PKNOX2: variants seen among roughly 807,000 people sequenced by gnomAD.
PKNOX2 encodes PBX/knotted 1 homeobox 2.
A neutral mutation model predicts 53.1 loss-of-function variants in PKNOX2; 14 were observed. The observed-to-expected ratio is 0.26, with a 90% confidence interval of 0.17 to 0.41. The LOEUF (loss-of-function observed/expected upper bound fraction) is 0.41, where lower values mean the gene tolerates loss of function less well. Among genes scored for constraint, PKNOX2 ranks in the 10% least tolerant of loss-of-function variants. The pLI, the probability that PKNOX2 is intolerant of heterozygous loss-of-function variation, is 1.00. For synonymous variants in PKNOX2, 257 were observed against 242.8 expected (o/e 1.06, Z -0.54); for missense variants, 496 against 602.8 (o/e 0.82, Z 1.85).
intron 2 of PKNOX2, among the ~76,000 whole-genome samples, chr11:125,278,934 G>A (rs1946362815): frequency 1.3e-5 from 2 of 152,234 alleles, no homozygotes; most frequent in South Asian, 2.1e-4. Flanking sequence ...CTAAGGCTGG[G>A]TGGAGGTGCA....
At chr11:125,175,690 C>T (rs1955662020) in intron 1 of PKNOX2, among the ~76,000 whole-genome samples, 1 of 152,206 alleles carries the variant, frequency 6.6e-6, no homozygotes, top group Non-Finnish European at 1.5e-5. Flanking sequence ...CAGTGTAGAA[C>T]AAGCAACAGG....
At chr11:125,197,306 C>T (rs1417417974) in intron 1 of PKNOX2, among the ~76,000 whole-genome samples, 1 of 152,198 alleles carries the variant, frequency 6.6e-6, no homozygotes, top group Non-Finnish European at 1.5e-5. Flanking sequence ...AATTACTGCC[C>T]AGGCTTAGGG....
chr11:125,189,411 ATATGTG>A lies in PKNOX2; in HGVS notation c.-201+24637_-201+24642del, dbSNP rs1193018508. Among the ~76,000 whole-genome samples the A allele has an allele frequency of 2.7e-3, 142 of 52,324 alleles. 1 individual carries two copies. The highest frequency in any genetic ancestry group is 7.7e-3 in the African/African-American group (81 of 10,452). The allele number at this position is 52,324 out of a possible 152,430, so 34.3% of individuals were successfully genotyped here. A position where few individuals can be genotyped will look rare whatever the true frequency, so the allele number is the denominator to read the frequency against. ...TGTATATATATATGTGTGTATATATATATGTGTGTGTGTGTGTGTGTGTGTGTGTGT... is the reference window on the plus strand; with the variant it reads ...TGTATATATATATGTGTGTATATATATGTGTGTGTGTGTGTGTGTGTGTGT... On this transcript the variant is annotated intron_variant, in intron 1 of 12. Coordinates refer to ENST00000298282, the MANE Select transcript of PKNOX2 (RefSeq NM_001382323.2).
At chr11:125,319,771 C>T (rs1949407866) in intron 2 of PKNOX2, among the ~76,000 whole-genome samples, 1 of 152,208 alleles carries the variant, frequency 6.6e-6, no homozygotes, top group Admixed American at 6.5e-5. Flanking sequence ...GATGTGAAAG[C>T]AAAGCAGGAG....
chr11:125,389,405 C>T lies in PKNOX2; in HGVS notation c.399+3683C>T, dbSNP rs555505486. On this transcript the variant is annotated intron_variant, in intron 6 of 12. Coordinates refer to ENST00000298282, the MANE Select transcript of PKNOX2 (RefSeq NM_001382323.2). ...AGTGCCCCCGATATCTCTTTCCGTA[C>T]ACCCACACTCTACCTCCCCATTTCC... is the stretch of plus-strand genomic sequence containing the variant. Among the ~76,000 whole-genome samples the T allele has an allele frequency of 1.8e-4, 27 of 152,314 alleles. No homozygotes were observed. In the South Asian group the frequency reaches 5.6e-3, roughly 32 times the overall value.
intron 4 of PKNOX2, among the ~76,000 whole-genome samples, chr11:125,360,028 C>T (rs1951837309): frequency 6.6e-6 from 1 of 152,072 alleles, no homozygotes; most frequent in African/African-American, 2.4e-5. Context: ...CCGGTGTAAT[C>T]CCAGCTATAC....
At position 125,192,423 on chromosome 11, in the gene PKNOX2, T is replaced by C. The variant is rs2043669871; in HGVS notation, c.-201+27647T>C. Among the ~76,000 whole-genome samples, 4 of 152,342 alleles carry C rather than the reference T, an allele frequency of 2.6e-5. No homozygotes were observed. The South Asian group carries it at 8.3e-4, about 32-fold the overall frequency. On this transcript the variant is annotated intron_variant, in intron 1 of 12. Transcript: ENST00000298282. Reference sequence around the variant, plus strand: ...ACTGCAATTGTTTCCTGGGGAAAGCTGGGCCAGCGTCCATCCTGTGTCCTG... The same window carrying C: ...ACTGCAATTGTTTCCTGGGGAAAGCCGGGCCAGCGTCCATCCTGTGTCCTG...
At chr11:125,430,876 T>A (rs1340085720) in intron 12 of PKNOX2, among the ~76,000 whole-genome samples, 1 of 152,224 alleles carries the variant, frequency 6.6e-6, no homozygotes, top group East Asian at 1.9e-4. Context: ...ATGGGGATAA[T>A]AATACCTGCC....
chr11:125,335,836 A>G (rs1245822370), intron 3 of PKNOX2, among the ~76,000 whole-genome samples: 1 of 152,020 alleles, frequency 6.6e-6, no homozygotes. Flanking sequence ...CAAACAAGCA[A>G]GCAAATAAGA....
intron 5 of PKNOX2, among the ~76,000 whole-genome samples, chr11:125,381,138 G>A (rs11824104): frequency 0.13 from 20,247 of 152,178 alleles, 2,188 homozygotes; most frequent in African/African-American, 0.29. Context: ...TTATCAAGTG[G>A]GCCAGGTGGA....
At chr11:125,169,454 A>G (rs1955125098) in intron 1 of PKNOX2, among the ~76,000 whole-genome samples, 1 of 151,996 alleles carries the variant, frequency 6.6e-6, no homozygotes, top group Non-Finnish European at 1.5e-5. Flanking sequence ...GAAAGGGAGG[A>G]AGGAGGGAGG....
chr11:125,304,049 C>T (rs1284246366), intron 2 of PKNOX2, among the ~76,000 whole-genome samples: 2 of 152,158 alleles, frequency 1.3e-5, no homozygotes, highest in Non-Finnish European at 2.9e-5. Flanking sequence ...CTGGATGTCA[C>T]AAGGGACGTG....
chr11:125,320,647 C>T (rs766894929), intron 2 of PKNOX2, among the ~76,000 whole-genome samples: 1 of 152,192 alleles, frequency 6.6e-6, no homozygotes, highest in African/African-American at 2.4e-5. Flanking sequence ...GCTTGCTACT[C>T]TTAAAGAAAC....
At chr11:125,199,726 A>G (rs1048755726) in intron 1 of PKNOX2, among the ~76,000 whole-genome samples, 1 of 152,198 alleles carries the variant, frequency 6.6e-6, no homozygotes, top group Non-Finnish European at 1.5e-5. Context: ...GGTGCCTGTA[A>G]TACCAGCTAC....
At chr11:125,292,733 C>T (rs1023644752) in intron 2 of PKNOX2, among the ~76,000 whole-genome samples, 3 of 152,162 alleles carry the variant, frequency 2.0e-5, no homozygotes, top group Non-Finnish European at 4.4e-5. Context: ...TTATCGGGAA[C>T]GTTGTAGTCC....
chr11:125,381,102 C>A (rs1953197021), intron 5 of PKNOX2, among the ~76,000 whole-genome samples: 1 of 152,186 alleles, frequency 6.6e-6, no homozygotes, highest in African/African-American at 2.4e-5. Context: ...TATCCCCATG[C>A]ATGAGGTAGA....
chr11:125,213,460 T>C (rs967062165), intron 1 of PKNOX2, among the ~76,000 whole-genome samples: 1 of 151,874 alleles, frequency 6.6e-6, no homozygotes, highest in Non-Finnish European at 1.5e-5. Context: ...AAAGATTTTG[T>C]TGTTGTTGTT....
rs186235309 is a variant in PKNOX2, at chr11:125,414,256, G to A, written c.936+2391G>A. Among the ~76,000 whole-genome samples, 13 of 152,288 alleles carry A rather than the reference G, an allele frequency of 8.5e-5. No homozygotes were observed. The East Asian group carries it at 2.3e-3, about 27-fold the overall frequency. On this transcript the variant is annotated intron_variant, in intron 10 of 12. Coordinates refer to ENST00000298282, the MANE Select transcript of PKNOX2 (RefSeq NM_001382323.2). ...GGCTGGCATCTACAGAAAGCACCAG[G>A]GATAGGGTAGAGGACTTGCCGAAAC...
At chr11:125,411,913 A>C (rs768241387) in intron 10 of PKNOX2, 48 bp downstream of exon 10, 1 of 1,611,308 alleles carries the variant, frequency 6.2e-7, no homozygotes, top group South Asian at 1.1e-5. Flanking sequence ...TGGGGTATGA[A>C]TAACCCACCG....
Sources: allele counts gnomAD v4.1 joint callset (sites outside exome capture counted in the v4.1 genomes callset), GRCh38; gene constraint gnomAD v4.1.1; transcripts MANE v1.5; gene names NCBI Gene and HGNC (gene_info 2026-07-23, HGNC 2026-07-21).